Variants in MLLT10 observed in about 807,000 individuals in gnomAD.
The protein encoded by MLLT10 is MLLT10 histone lysine methyltransferase DOT1L cofactor.
MLLT10 carries 30 observed loss-of-function variants against 129.1 expected under a neutral mutation model. The observed-to-expected ratio is 0.23, with a 90% confidence interval of 0.17 to 0.32. The LOEUF is 0.32. MLLT10 is among the 10% of genes least tolerant of loss of function. The pLI, the probability that MLLT10 is intolerant of heterozygous loss-of-function variation, is 1.00. For missense variants in MLLT10, 1,119 were observed against 1,268.3 expected, an observed-to-expected ratio of 0.88 and a Z score of 1.79; for synonymous variants, 490 against 446.4, an observed-to-expected ratio of 1.10 and a Z score of -1.23.
At chr10:21,684,309 A>T (rs1161350243) in intron 13 of MLLT10, among the ~76,000 whole-genome samples, 1 of 152,190 alleles carries the variant, frequency 6.6e-6, no homozygotes, top group East Asian at 1.9e-4. Flanking sequence ...TACAGCTTCA[A>T]GTATCACCTA....
At chr10:21,585,504 A>G (rs1257774571) in intron 3 of MLLT10, among the ~76,000 whole-genome samples, 1 of 152,212 alleles carries the variant, frequency 6.6e-6, no homozygotes, top group Non-Finnish European at 1.5e-5. Flanking sequence ...ATCAGCATGC[A>G]TGAGATCATT....
chr10:21,625,537 T>C (rs2046348825), intron 8 of MLLT10: 2 of 800,008 alleles, frequency 2.5e-6, no homozygotes, highest in Non-Finnish European at 4.5e-6. Context: ...ATCTGGCTTG[T>C]ACTGCTGACT....
chr10:21,707,312 C>T (rs1391537998), intron 13 of MLLT10, among the ~76,000 whole-genome samples: 5 of 151,540 alleles, frequency 3.3e-5, no homozygotes, highest in African/African-American at 1.2e-4. Flanking sequence ...CCTGCCTCAG[C>T]CTCCCGTGTA....
chr10:21,551,467 G>T (rs969890484), intron 3 of MLLT10, among the ~76,000 whole-genome samples: 1 of 151,010 alleles, frequency 6.6e-6, no homozygotes, highest in Non-Finnish European at 1.5e-5. Flanking sequence ...GCATAATATC[G>T]TAAGTTCCTA....
At position 21,584,825 on chromosome 10, in the gene MLLT10, T is replaced by C. The variant is rs182020250; in HGVS notation, c.241-1469T>C. 3.9e-3 allele frequency among the ~76,000 whole-genome samples: 593 copies of C among 151,862 alleles called. 8 individuals are homozygous for C. The highest frequency in any genetic ancestry group is 0.014 in the African/African-American group (564 of 41,418). The stretch of plus-strand genomic sequence containing the variant: ...GTGTGTGTTTATATACACATACATA[T>C]GTATGTATACATACACACATATATA... On this transcript the variant is annotated intron_variant, in intron 3 of 22. Coordinates refer to ENST00000307729, the MANE Select transcript of MLLT10 (RefSeq NM_001195626.3).
intron 3 of MLLT10, among the ~76,000 whole-genome samples, chr10:21,561,165 A>G (rs979170418): frequency 1.3e-5 from 2 of 152,162 alleles, no homozygotes; most frequent in African/African-American, 4.8e-5. Context: ...TATCCAAGAA[A>G]TGATTGTCAA....
intron 3 of MLLT10, among the ~76,000 whole-genome samples, chr10:21,542,967 TTTTTTTTTTGA>T (rs964723721): frequency 7.2e-6 from 1 of 138,972 alleles, no homozygotes. Context: ...TTTTTTTTTG[TTTTTTTTTTGA>T]GACGAAATTT....
chr10:21,673,318 CTTTTTT>C (rs397719980), intron 10 of MLLT10, 26 bp from the exon 11 acceptor site: 66 of 307,598 alleles, frequency 2.1e-4, no homozygotes, highest in Non-Finnish European at 2.8e-4. Flanking sequence ...CACCCCCCAA[CTTTTTT>C]TTTTTTTTTT....
At position 21,612,566 on chromosome 10, in the gene MLLT10, G is replaced by A. The variant is rs146346570; in HGVS notation, c.509+115G>A. 177 of 527,190 alleles carry A rather than the reference G, an allele frequency of 3.4e-4. 1 individual carries two copies. Among genetic ancestry groups the A allele is most frequent in the African/African-American group, 2.2e-3 (118 of 52,470 alleles). The allele number at this position is 527,190 out of a possible 1,614,324, so 32.7% of individuals were successfully genotyped here. On this transcript the variant is annotated intron_variant, in intron 6 of 22. Transcript: ENST00000307729. ...AATTATGGTAAACTTTATTGGTATA[G>A]TTTCTATGTTCACATTTACTTATTT...
At chr10:21,735,342 T>C (rs1701967302) in intron 21 of MLLT10, 107 bp downstream of exon 21, 1 of 992,304 alleles carries the variant, frequency 1.0e-6, no homozygotes, top group Non-Finnish European at 1.5e-6. Flanking sequence ...ATTGAATGCA[T>C]AATCAAAAAA....
At chr10:21,710,577 C>A (rs1433899173) in intron 13 of MLLT10, among the ~76,000 whole-genome samples, 1 of 152,106 alleles carries the variant, frequency 6.6e-6, no homozygotes, top group African/African-American at 2.4e-5. Flanking sequence ...CTTCTCACTC[C>A]TAGATTTATG....
chr10:21,707,223 C>T (rs989917141), intron 13 of MLLT10, among the ~76,000 whole-genome samples: 11 of 122,400 alleles, frequency 9.0e-5, no homozygotes, highest in African/African-American at 3.3e-4. Flanking sequence ...GACGGAGTTT[C>T]GCTCTGTTGC....
At chr10:21,739,758 T>C (rs1447276245) in intron 21 of MLLT10, among the ~76,000 whole-genome samples, 1 of 152,216 alleles carries the variant, frequency 6.6e-6, no homozygotes, top group African/African-American at 2.4e-5. Flanking sequence ...TTGATTTCTC[T>C]TAAGCTGCTG....
At chr10:21,614,959 T>C in intron 7 of MLLT10, 35 bp downstream of exon 7, 1 of 1,509,840 alleles carries the variant, frequency 6.6e-7, no homozygotes, top group Non-Finnish European at 9.1e-7. Context: ...GAAATGATTA[T>C]GATTAGTTTT....
At chr10:21,544,120 T>C (rs1019280810) in intron 3 of MLLT10, among the ~76,000 whole-genome samples, 1 of 152,214 alleles carries the variant, frequency 6.6e-6, no homozygotes, top group Non-Finnish European at 1.5e-5. Flanking sequence ...TCTTACTTTA[T>C]GGGTAAGGAT....
intron 5 of MLLT10, among the ~76,000 whole-genome samples, chr10:21,610,931 A>G (rs1277124805): frequency 5.4e-5 from 8 of 148,774 alleles, no homozygotes; most frequent in Admixed American, 5.3e-4. Context: ...GAGGTATAAA[A>G]TGATGTTTGT....
chr10:21,615,010 C>T (rs2045086624), intron 7 of MLLT10, 86 bp downstream of exon 7: 2 of 1,108,634 alleles, frequency 1.8e-6, no homozygotes, highest in Non-Finnish European at 2.6e-6. Flanking sequence ...AAGCATATAA[C>T]AGTTCCTTTT....
intron 22 of MLLT10, 81 bp from the exon 23 acceptor site, chr10:21,741,858 A>T: frequency 6.9e-7 from 1 of 1,455,686 alleles, no homozygotes; most frequent in South Asian, 1.2e-5. Flanking sequence ...ACCACATTTT[A>T]TCTCAGTCAC....
At chr10:21,698,135 C>T (rs756586502) in intron 13 of MLLT10, among the ~76,000 whole-genome samples, 7 of 152,144 alleles carry the variant, frequency 4.6e-5, no homozygotes, top group Non-Finnish European at 8.8e-5. Context: ...GTCACCCTAG[C>T]CTTCTGTCGA....
Sources: allele counts gnomAD v4.1 joint callset (sites outside exome capture counted in the v4.1 genomes callset), GRCh38; gene constraint gnomAD v4.1.1; transcripts MANE v1.5; gene names NCBI Gene and HGNC (gene_info 2026-07-23, HGNC 2026-07-21).